Variants in MIDN observed in about 807,000 individuals in gnomAD.
The protein encoded by MIDN is midnolin.
MIDN carries 26 observed loss-of-function variants against 46.1 expected under a neutral mutation model. The ratio of observed to expected loss-of-function variants is 0.56; its 90% confidence interval spans 0.41 to 0.78. The LOEUF (loss-of-function observed/expected upper bound fraction) is 0.78, where lower values mean the gene tolerates loss of function less well. Among genes scored for constraint, MIDN ranks in the 30% least tolerant of loss-of-function variants. The pLI, the probability that MIDN is intolerant of heterozygous loss-of-function variation, is 0.00. For missense variants in MIDN, 850 were observed against 771.8 expected (o/e 1.10, Z -1.20); for synonymous variants, 432 against 343.3 (o/e 1.26, Z -2.86).
Position 1,257,517 on chromosome 19 carries a change from T to G in MIDN, c.*245T>G. 20 of 406,460 alleles carry G rather than the reference T, an allele frequency of 4.9e-5. No homozygotes were observed. The highest frequency in any genetic ancestry group is 4.4e-5 in the Non-Finnish European group (10 of 229,760). The allele number at this position is 406,460 out of a possible 1,614,324, so 25.2% of individuals were successfully genotyped here. ...TTCACCCTTCACTCCTGCCCTCCTC[T>G]TCCTCCTCCTCCTCCTCCTCCGTCT... is the stretch of plus-strand genomic sequence containing the variant. On this transcript the variant is annotated 3_prime_UTR_variant, in exon 9 of 9. Coordinates refer to ENST00000682408, the MANE Select transcript of MIDN (RefSeq NM_001388306.1).
intron 4 of MIDN, among the ~76,000 whole-genome samples, chr19:1,253,197 C>T (rs1421193344): frequency 6.6e-6 from 1 of 151,586 alleles, no homozygotes; most frequent in African/African-American, 2.4e-5. Context: ...ACCCCGGGCC[C>T]TTCCTGCAAA....
Position 1,257,078 on chromosome 19 carries a change from C to T in MIDN, c.1342C>T (p.Arg448Cys), listed in dbSNP as rs778898762. 24 of 1,612,356 alleles carry T rather than the reference C, an allele frequency of 1.5e-5. No homozygotes were observed. The highest frequency in any genetic ancestry group is 5.5e-5 in the South Asian group (5 of 91,082). ...GCTGCTTCTGCAGCAGAAACGGCTC[C>T]GTAGAAAGGCCCGGCGGGACGCGCG... ...LQLLLQQKRL[R>C]RKARRDARGP... The change falls in exon 9 of 9, where the codon CGT becomes TGT. Residue 448 changes from arginine (R) to cysteine (C), a missense_variant. Physicochemically the swap from Arg to Cys is radical, Grantham distance 180 (BLOSUM62 -3). Transcript: ENST00000682408.
At chr19:1,256,279 C>A (rs918154545) in intron 8 of MIDN, among the ~76,000 whole-genome samples, 1 of 152,146 alleles carries the variant, frequency 6.6e-6, no homozygotes, top group Non-Finnish European at 1.5e-5. Flanking sequence ...GTCAGGAGAT[C>A]GAGACCATCT....
intron 4 of MIDN, among the ~76,000 whole-genome samples, chr19:1,252,475 A>C (rs927740883): frequency 2.6e-5 from 4 of 151,362 alleles, no homozygotes; most frequent in African/African-American, 9.7e-5. Context: ...GGATGTTAGG[A>C]AAATATTTAG....
At chr19:1,249,561 C>A (rs1156486309) in intron 1 of MIDN, among the ~76,000 whole-genome samples, 2 of 150,180 alleles carry the variant, frequency 1.3e-5, no homozygotes, top group Non-Finnish European at 3.0e-5. Context: ...CGCGCCCGCC[C>A]TTTGTTGCGG....
chr19:1,257,382 C>T lies in MIDN; in HGVS notation c.*110C>T, dbSNP rs1001487922. The stretch of plus-strand genomic sequence containing the variant: ...GCCCTGGAGGGCAGGCGGCCACTCC[C>T]CCAGCCAGAAGTCTTTTTTTCTTTT... On this transcript the variant is annotated 3_prime_UTR_variant, in exon 9 of 9. Transcript: ENST00000682408. The T allele has an allele frequency of 5.0e-6, 4 of 798,162 alleles. No homozygotes were observed. The highest frequency in any genetic ancestry group is 8.2e-6 in the Non-Finnish European group (4 of 485,972). 49.4% of individuals were successfully genotyped at this position (798,162 alleles called of 1,614,324 possible).
intron 6 of MIDN, 128 bp from the exon 7 acceptor site, chr19:1,254,774 G>T: frequency 8.6e-7 from 1 of 1,163,998 alleles, no homozygotes; most frequent in South Asian, 1.5e-5. Flanking sequence ...CCTTGGGCTA[G>T]TTTATCTCTA....
At chr19:1,252,545 CTT>C (rs564825213) in intron 4 of MIDN, among the ~76,000 whole-genome samples, 3 of 146,344 alleles carry the variant, frequency 2.0e-5, no homozygotes, top group Non-Finnish European at 3.0e-5. Context: ...TTGCTGCGGA[CTT>C]TTTTTTTTTT....
intron 7 of MIDN, 48 bp from the exon 8 acceptor site, chr19:1,255,373 AT>A: frequency 6.5e-7 from 1 of 1,528,706 alleles, no homozygotes; most frequent in Non-Finnish European, 8.8e-7. Context: ...CGTCCTGGAC[AT>A]GCGGGACTGT....
chr19:1,253,774 T>C, intron 4 of MIDN, 180 bp from the exon 5 acceptor site: 2 of 330,580 alleles, frequency 6.0e-6, no homozygotes, highest in Non-Finnish European at 1.0e-5. Flanking sequence ...CCCTCCCGTA[T>C]CCACAGGCAG....
At chr19:1,251,337 G>A (rs1240213318) in intron 2 of MIDN, 36 of 545,656 alleles carry the variant, frequency 6.6e-5, no homozygotes, top group Non-Finnish European at 2.6e-5. Flanking sequence ...CCAGGGCGGG[G>A]GTTCCACTGG....
chr19:1,253,644 G>A (rs185368269), intron 4 of MIDN: 46 of 176,714 alleles, frequency 2.6e-4, no homozygotes, highest in Admixed American at 9.9e-4. Flanking sequence ...CCTCCGCCCC[G>A]CCCAGGACAG....
chr19:1,252,376 C>A (rs1042127166), intron 4 of MIDN, among the ~76,000 whole-genome samples: 191 of 152,016 alleles, frequency 1.3e-3, no homozygotes, highest in Non-Finnish European at 2.3e-3. Flanking sequence ...GATCTCGTCA[C>A]CCTCCCCTCC....
Position 1,255,416 on chromosome 19 carries a change from C to T in MIDN, c.986-6C>T, listed in dbSNP as rs751330275. The T allele has an allele frequency of 6.3e-7, 1 of 1,578,644 alleles. No individual in the cohort carries two copies. On this transcript the variant is annotated splice_polypyrimidine_tract_variant and splice_region_variant and intron_variant, in intron 7 of 8. Transcript: ENST00000682408. ...GCCGGGCACTCACGGCCACCTCTGC[C>T]CGCAGGCACGCTACACCCCAACTGC...
At chr19:1,255,201 G>A (rs1316065516) in intron 7 of MIDN, 140 bp downstream of exon 7, 2 of 1,193,876 alleles carry the variant, frequency 1.7e-6, no homozygotes. Context: ...ATGTCCCCCA[G>A]GAATCCCCCA....
At chr19:1,255,219 G>T (rs11879120) in intron 7 of MIDN, among the ~76,000 whole-genome samples, 158 bp downstream of exon 7, 11,880 of 152,110 alleles carry the variant, frequency 0.078, 1,578 homozygotes, top group African/African-American at 0.27. Context: ...CCACACACAC[G>T]CCTGGCCCTG....
At chr19:1,254,781 T>A in intron 6 of MIDN, 121 bp from the exon 7 acceptor site, 2 of 1,216,728 alleles carry the variant, frequency 1.6e-6, no homozygotes, top group African/African-American at 3.0e-5. Flanking sequence ...CTAGTTTATC[T>A]CTAAACCCTG....
At chr19:1,251,982 CTG>C in intron 4 of MIDN, 81 bp downstream of exon 4, 1 of 1,262,692 alleles carries the variant, frequency 7.9e-7, no homozygotes, top group East Asian at 2.5e-5. Context: ...TGGGGGTTGT[CTG>C]TGCTCCCAGG....
In MIDN at chr19:1,254,013, C is replaced by A. The variant is rs1456438009; in HGVS notation, c.444C>A (p.Phe148Leu). ...GAGGAGGCTTCCGGAAATACAGATTCATTTTATTTAAGCGTCCGTGGCACC... is the reference window on the plus strand; with the variant it reads ...GAGGAGGCTTCCGGAAATACAGATTAATTTTATTTAAGCGTCCGTGGCACC... ...AGGGGFRKYR[F>L]ILFKRPWHRQ... is the part of the protein sequence containing the mutation. Residue 148 changes from phenylalanine (F) to leucine (L), a missense_variant, in exon 5 of 9, where the codon TTC (phenylalanine) becomes TTA (leucine). By Grantham distance (22) the Phe-to-Leu change is conservative. Transcript: ENST00000682408. 5 of 1,414,312 alleles carry A rather than the reference C, an allele frequency of 3.5e-6. No homozygotes were observed. Among genetic ancestry groups the A allele is most frequent in the Non-Finnish European group, 4.6e-6 (5 of 1,092,510 alleles). 87.6% of individuals were successfully genotyped at this position (1,414,312 alleles called of 1,614,324 possible).
Sources: allele counts gnomAD v4.1 joint callset (sites outside exome capture counted in the v4.1 genomes callset), GRCh38; gene constraint gnomAD v4.1.1; transcripts MANE v1.5; gene names NCBI Gene and HGNC (gene_info 2026-07-23, HGNC 2026-07-21).